CFAP20DC: variants seen among roughly 807,000 people sequenced by gnomAD.
The protein encoded by CFAP20DC is CFAP20 domain containing.
A neutral mutation model predicts 101.7 loss-of-function variants in CFAP20DC; 84 were observed. The ratio of observed to expected loss-of-function variants is 0.83; its 90% CI spans 0.69 to 0.99. The LOEUF (loss-of-function observed/expected upper bound fraction) is 0.99. CFAP20DC is among the 50% of genes least tolerant of loss of function. The pLI is 0.00. For missense variants in CFAP20DC, 1,007 were observed against 970.3 expected (o/e 1.04, Z -0.50); for synonymous variants, 359 against 351.2 (o/e 1.02, Z -0.25).
intron 5 of CFAP20DC, among the ~76,000 whole-genome samples, chr3:58,934,067 G>C (rs1362488921): frequency 2.0e-5 from 3 of 151,852 alleles, no homozygotes; most frequent in Non-Finnish European, 2.9e-5. Flanking sequence ...CAAATAGGTG[G>C]AATAAAAAAT....
intron 14 of CFAP20DC, among the ~76,000 whole-genome samples, chr3:58,807,377 G>A (rs1477121273): frequency 6.6e-6 from 1 of 152,156 alleles, no homozygotes; most frequent in Non-Finnish European, 1.5e-5. Flanking sequence ...AACTTCCAGA[G>A]GAACGATCAG....
chr3:58,830,951 T>C (rs2076354552), intron 14 of CFAP20DC, among the ~76,000 whole-genome samples: 1 of 152,184 alleles, frequency 6.6e-6, no homozygotes. Context: ...TCCAATTAAG[T>C]TGTAAGGTCC....
At chr3:58,840,550 C>A (rs529828728) in intron 13 of CFAP20DC, among the ~76,000 whole-genome samples, 5 of 152,282 alleles carry the variant, frequency 3.3e-5, no homozygotes, top group Admixed American at 2.0e-4. Context: ...AGAAAGCACA[C>A]AGAAATTCAC....
intron 14 of CFAP20DC, among the ~76,000 whole-genome samples, chr3:58,807,026 G>C (rs1395943577): frequency 6.6e-6 from 1 of 152,146 alleles, no homozygotes; most frequent in Non-Finnish European, 1.5e-5. Flanking sequence ...AGGGGTGCCC[G>C]CCATTGCCCA....
At chr3:58,986,732 C>T (rs979275899) in intron 4 of CFAP20DC, among the ~76,000 whole-genome samples, 4 of 152,018 alleles carry the variant, frequency 2.6e-5, no homozygotes, top group Non-Finnish European at 5.9e-5. Flanking sequence ...AAAGCCTTGA[C>T]GTACCCTTTG....
chr3:58,968,798 A>C (rs1486627960), intron 4 of CFAP20DC, among the ~76,000 whole-genome samples: 1 of 152,146 alleles, frequency 6.6e-6, no homozygotes, highest in African/African-American at 2.4e-5. Flanking sequence ...TATATCCAGG[A>C]TAATATTGCC....
chr3:59,047,286 A>C, intron 1 of CFAP20DC, 32 bp from the exon 2 acceptor site: 2 of 1,382,640 alleles, frequency 1.4e-6, no homozygotes, highest in African/African-American at 1.4e-5. Context: ...TTAAAAGACA[A>C]TGCTAACGAG....
chr3:58,874,013 C>T lies in CFAP20DC; in HGVS notation c.716-3704G>A, dbSNP rs1273595937. 1.3e-5 allele frequency among the ~76,000 whole-genome samples: 2 copies of T among 152,160 alleles called. No homozygotes were observed. The highest frequency in any genetic ancestry group is 3.2e-3 in the Middle Eastern group (1 of 314). ...AAGTCTGGATAGCTATTCTGGATGC[C>T]GTAAGGCAGATTCAGACATCAGGTG... is the stretch of plus-strand genomic sequence containing the variant. On this transcript the variant is annotated intron_variant, in intron 7 of 16. Coordinates refer to ENST00000482387, the MANE Select transcript of CFAP20DC (RefSeq NM_001394063.1). The surrounding 1 kb of genome is among the most constrained non-coding windows in gnomAD (Gnocchi z 5.1).
At chr3:58,934,322 C>CG (rs1559851519) in intron 5 of CFAP20DC, among the ~76,000 whole-genome samples, 1 of 152,190 alleles carries the variant, frequency 6.6e-6, no homozygotes. Flanking sequence ...GATGGACTCA[C>CG]AGCCGAATTC....
At chr3:58,890,208 G>C (rs565652946) in intron 6 of CFAP20DC, among the ~76,000 whole-genome samples, 2 of 148,140 alleles carry the variant, frequency 1.4e-5, no homozygotes, top group South Asian at 2.2e-4. Flanking sequence ...CCTCCCGGAC[G>C]GGGCGGCTGG....
intron 7 of CFAP20DC, among the ~76,000 whole-genome samples, chr3:58,875,782 T>G (rs1019939215): frequency 5.1e-5 from 7 of 136,066 alleles, no homozygotes; most frequent in Non-Finnish European, 1.1e-4. Context: ...AAAAGAACTT[T>G]TGTGGGGAGG....
chr3:58,818,175 G>A (rs1054319969), intron 14 of CFAP20DC, among the ~76,000 whole-genome samples: 31 of 151,624 alleles, frequency 2.0e-4, no homozygotes, highest in East Asian at 1.9e-3. Flanking sequence ...GGTACCAGCC[G>A]CTGCAAAATC....
At chr3:58,956,673 G>C (rs1026602405) in intron 4 of CFAP20DC, among the ~76,000 whole-genome samples, 3 of 152,114 alleles carry the variant, frequency 2.0e-5, no homozygotes, top group African/African-American at 7.2e-5. Flanking sequence ...AAATATATTA[G>C]TCCATTCTCA....
In CFAP20DC at chr3:58,849,207, A is replaced by G; in HGVS notation, c.1796T>C (p.Leu599Ser). The G allele has an allele frequency of 6.5e-7, 1 of 1,536,152 alleles. No homozygotes were observed. Among genetic ancestry groups the G allele is most frequent in the Non-Finnish European group, 8.7e-7 (1 of 1,146,910 alleles). The change falls in exon 13 of 17, where the codon TTG becomes TCG. Residue 599 changes from leucine (L) to serine (S), a missense_variant. Physicochemically the swap from Leu to Ser is moderately radical, Grantham distance 145. Coordinates refer to ENST00000482387, the MANE Select transcript of CFAP20DC (RefSeq NM_001394063.1). Reference sequence around the variant, plus strand: ...TGGAGAAAGGCATGTTGTAGGCAACAAACTCATTTCAAAGTTATTTCTATC... The same window carrying G: ...TGGAGAAAGGCATGTTGTAGGCAACGAACTCATTTCAAAGTTATTTCTATC... ...QIDRNNFEMS[L>S]LPTTCLSPTG...
chr3:58,884,412 A>T, intron 7 of CFAP20DC, 133 bp downstream of exon 7: 1 of 724,624 alleles, frequency 1.4e-6, no homozygotes, highest in Non-Finnish European at 2.2e-6. Context: ...CTGGCGTGGT[A>T]TGTGGCAAGT....
intron 3 of CFAP20DC, among the ~76,000 whole-genome samples, chr3:58,733,737 T>C (rs1453500804): frequency 6.6e-6 from 1 of 152,270 alleles, no homozygotes; most frequent in Non-Finnish European, 1.5e-5. Context: ...CTGGAGTATC[T>C]ATTTTCTAAC....
At chr3:58,809,741 T>C (rs2074442339) in intron 14 of CFAP20DC, among the ~76,000 whole-genome samples, 1 of 152,070 alleles carries the variant, frequency 6.6e-6, no homozygotes, top group Non-Finnish European at 1.5e-5. Flanking sequence ...AAAAAACGCT[T>C]TCAAAAATTA....
At chr3:58,716,512 G>A (rs994859259), downstream of CFAP20DC, among the ~76,000 whole-genome samples, 21 of 152,056 alleles carry the variant, frequency 1.4e-4, no homozygotes, top group African/African-American at 5.1e-4. Context: ...AGCTCAGATC[G>A]CATGGTAACA....
Position 58,913,910 on chromosome 3 carries a change from C to A in CFAP20DC, c.394-46G>T. On this transcript the variant is annotated intron_variant, in intron 5 of 16. Transcript: ENST00000482387. This position sits in a 1 kb window ranked among gnomAD's most constrained non-coding sequence, Gnocchi z 4.4. ...GAAGAGTAAGGACCTTTCATCAACA[C>A]ATAAATGAACAAACCATCTATATGT... is the stretch of plus-strand genomic sequence containing the variant. 6.3e-7 allele frequency: 1 copy of A among 1,588,228 alleles called. No individual in the cohort carries two copies. Among genetic ancestry groups the A allele is most frequent in the Non-Finnish European group, 8.6e-7 (1 of 1,159,384 alleles).
Sources: gnomAD v4.1 joint callset for allele counts (sites outside exome capture counted in the v4.1 genomes callset) on GRCh38, gnomAD v4.1.1 for gene constraint, Gnocchi (gnomAD v3.1) non-coding constraint, MANE v1.5 for transcripts, NCBI Gene and HGNC (gene_info 2026-07-23, HGNC 2026-07-21) for gene names.